SARDH: variants seen among roughly 807,000 people sequenced by gnomAD.
SARDH encodes sarcosine dehydrogenase, mitochondrial.
Under a neutral mutation model 109.1 loss-of-function variants are expected in SARDH, and 95 were observed. That is an observed-to-expected ratio of 0.87 (90% CI 0.74 to 1.03). The LOEUF is 1.03. Ranked by LOEUF, SARDH falls within the 50% of genes least tolerant of loss-of-function variation. The probability of loss-of-function intolerance (pLI) is 0.00; values close to 1 mark genes in which losing one functional copy is unlikely to be tolerated. For missense variants in SARDH, 1,267 were observed against 1,287.8 expected, an observed-to-expected ratio of 0.98 and a Z score of 0.25; for synonymous variants, 572 against 534.8, an observed-to-expected ratio of 1.07 and a Z score of -0.96.
intron 19 of SARDH, among the ~76,000 whole-genome samples, chr9:133,667,311 C>A (rs9409877): frequency 0.23 from 34,191 of 150,668 alleles, 4,130 homozygotes; most frequent in East Asian, 0.39. Context: ...GGATTACAGG[C>A]ACCCACCACC....
In SARDH at chr9:133,693,369, C is replaced by A. The variant is rs1229578011; in HGVS notation, c.1921+889G>T. Among the ~76,000 whole-genome samples, 1 of 152,122 alleles carries A rather than the reference C, an allele frequency of 6.6e-6. No homozygotes were observed. The highest frequency in any genetic ancestry group is 6.5e-5 in the Admixed American group (1 of 15,272). On this transcript the variant is annotated intron_variant, in intron 15 of 20. Transcript: ENST00000439388. This position sits in a 1 kb window ranked among gnomAD's most constrained non-coding sequence, Gnocchi z 5.6. Reference sequence around the variant, plus strand: ...GCCCAAGCTGGGGCTCGACACTGACCGAGTCCCAGTGAGGAAACAACTACA... The same window carrying A: ...GCCCAAGCTGGGGCTCGACACTGACAGAGTCCCAGTGAGGAAACAACTACA...
chr9:133,735,085 A>T (rs1429845998), intron 1 of SARDH, among the ~76,000 whole-genome samples: 1 of 152,166 alleles, frequency 6.6e-6, no homozygotes, highest in East Asian at 1.9e-4. Context: ...ATGCTACAGC[A>T]GTGGCCGCAG....
Position 133,728,799 on chromosome 9 carries a change from T to C in SARDH, c.915+966A>G, listed in dbSNP as rs1485124910. On this transcript the variant is annotated intron_variant, in intron 6 of 20. Coordinates refer to ENST00000439388, the MANE Select transcript of SARDH (RefSeq NM_001134707.2). This position sits in a 1 kb window ranked among gnomAD's most constrained non-coding sequence, Gnocchi z 5.0. The stretch of plus-strand genomic sequence containing the variant: ...AATGGAATGTGAATGGTTGGATTAA[T>C]ATGTGGGTGGATGCTGAAGGAAGGG... Among the ~76,000 whole-genome samples, 4 of 151,494 alleles carry C rather than the reference T, an allele frequency of 2.6e-5. No homozygotes were observed. The highest frequency in any genetic ancestry group is 9.7e-5 in the African/African-American group (4 of 41,142).
rs1018834097 is a variant in SARDH, at chr9:133,693,869, C to T, written c.1921+389G>A. ...CCAAGCTCCAGACTAGAGGGTCACA[C>T]GGGCCTGAGAAGTCAACCCAGCAAG... On this transcript the variant is annotated intron_variant, in intron 15 of 20. Coordinates refer to ENST00000439388, the MANE Select transcript of SARDH (RefSeq NM_001134707.2). The surrounding 1 kb of genome is among the most constrained non-coding windows in gnomAD (Gnocchi z 5.6). Among the ~76,000 whole-genome samples, 21 of 152,206 alleles carry T rather than the reference C, an allele frequency of 1.4e-4. No individual in the cohort carries two copies. The highest frequency in any genetic ancestry group is 3.4e-4 in the African/African-American group (14 of 41,456).
chr9:133,673,475 G>A (rs768394788), intron 17 of SARDH, among the ~76,000 whole-genome samples: 3 of 152,262 alleles, frequency 2.0e-5, no homozygotes, highest in East Asian at 3.8e-4. Flanking sequence ...GGATACGCCT[G>A]TGGGAAGGAG....
chr9:133,708,448 G>C lies in SARDH; in HGVS notation c.1329-20C>G. The C allele has an allele frequency of 1.2e-6, 2 of 1,600,294 alleles. No individual in the cohort carries two copies. Among genetic ancestry groups the C allele is most frequent in the South Asian group, 1.1e-5 (1 of 89,680 alleles). ...AAGCGCCTGCCGCAGACAGGGGGAC[G>C]GGTCACTGCTTTGGGGATGGCCCGT... On this transcript the variant is annotated intron_variant, in intron 10 of 20. Transcript: ENST00000439388.
chr9:133,691,378 C>G (rs1008390374), intron 15 of SARDH, among the ~76,000 whole-genome samples: 1 of 152,142 alleles, frequency 6.6e-6, no homozygotes, highest in Non-Finnish European at 1.5e-5. Context: ...GATCAACTTC[C>G]CTGAAAACAA....
At position 133,712,532 on chromosome 9, in the gene SARDH, G is replaced by T. The variant is rs1265933464; in HGVS notation, c.1328+87C>A. The T allele has an allele frequency of 3.3e-6, 4 of 1,218,740 alleles. No individual in the cohort carries two copies. The South Asian group carries it at 3.8e-5, about 12-fold the overall frequency. The allele number at this position is 1,218,740 out of a possible 1,614,324, so 75.5% of individuals were successfully genotyped here. On this transcript the variant is annotated intron_variant, in intron 10 of 20. Coordinates refer to ENST00000439388, the MANE Select transcript of SARDH (RefSeq NM_001134707.2). This position sits in a 1 kb window ranked among gnomAD's most constrained non-coding sequence, Gnocchi z 4.1. ...GGAAGCCACCTGGATTTCAGGCAAG[G>T]CTCCTTTCTCAGTAGCCCTCGCTGT...
At chr9:133,711,787 G>A (rs186344136) in intron 10 of SARDH, among the ~76,000 whole-genome samples, 90 of 152,258 alleles carry the variant, frequency 5.9e-4, no homozygotes, top group African/African-American at 1.4e-3. Flanking sequence ...GGAGAGACCC[G>A]GAGGCCGGGC....
Position 133,667,994 on chromosome 9 carries a change from T to C in SARDH, c.2496-1124A>G, listed in dbSNP as rs150991109. Reference sequence around the variant, plus strand: ...GAGCCGCGGCGCAGGGCAGCTATTATGCAGCCTGACAGGAAACCCCTGAGC... The same window carrying C: ...GAGCCGCGGCGCAGGGCAGCTATTACGCAGCCTGACAGGAAACCCCTGAGC... On this transcript the variant is annotated intron_variant, in intron 19 of 20. Coordinates refer to ENST00000439388, the MANE Select transcript of SARDH (RefSeq NM_001134707.2). 2.1e-3 allele frequency among the ~76,000 whole-genome samples: 324 copies of C among 152,066 alleles called. 3 individuals carry two copies. Among genetic ancestry groups the C allele is most frequent in the African/African-American group, 4.8e-3 (198 of 41,390 alleles).
chr9:133,734,674 A>T (rs1832822023), intron 1 of SARDH, among the ~76,000 whole-genome samples: 1 of 152,108 alleles, frequency 6.6e-6, no homozygotes, highest in South Asian at 2.1e-4. Flanking sequence ...CCAAAGTGAG[A>T]CCTGAGGAAA....
chr9:133,709,612 T>G lies in SARDH; in HGVS notation c.1329-1184A>C, dbSNP rs562981556. 3.9e-5 allele frequency among the ~76,000 whole-genome samples: 6 copies of G among 152,266 alleles called. No individual in the cohort carries two copies. In the East Asian group the frequency reaches 1.2e-3, roughly 29 times the overall value. Reference sequence around the variant, plus strand: ...TTCTAGCAAGCAGAATTTTCTGATCTGGATGGGTGGGGAGTAGAGGTGCAG... The same window carrying G: ...TTCTAGCAAGCAGAATTTTCTGATCGGGATGGGTGGGGAGTAGAGGTGCAG... On this transcript the variant is annotated intron_variant, in intron 10 of 20. Coordinates refer to ENST00000439388, the MANE Select transcript of SARDH (RefSeq NM_001134707.2). This position sits in a 1 kb window ranked among gnomAD's most constrained non-coding sequence, Gnocchi z 4.2.
At chr9:133,716,690 C>T (rs1018921496) in intron 8 of SARDH, among the ~76,000 whole-genome samples, 1 of 152,236 alleles carries the variant, frequency 6.6e-6, no homozygotes, top group South Asian at 2.1e-4. Context: ...CCTTTTTGCT[C>T]CAGCCTCTTC....
In SARDH at chr9:133,732,699, TGTCTTTCTCTGCAAG is replaced by T. The variant is rs921664189; in HGVS notation, c.332-113_332-99del. The T allele has an allele frequency of 4.5e-6, 6 of 1,341,924 alleles. No homozygotes were observed. The African/African-American group carries it at 8.8e-5, about 20-fold the overall frequency. 83.1% of individuals were successfully genotyped at this position (1,341,924 alleles called of 1,614,324 possible). On this transcript the variant is annotated intron_variant, in intron 2 of 20. Transcript: ENST00000439388. ...GGATACCCTGATATTCAACCATGGG[TGTCTTTCTCTGCAAG>T]GTCTTTCTCTGCAGGACCTGGGGGG... is the stretch of plus-strand genomic sequence containing the variant.
At chr9:133,734,352 T>TTCATTCAC in intron 1 of SARDH, 149 bp from the exon 2 acceptor site, 1 of 495,816 alleles carries the variant, frequency 2.0e-6, no homozygotes, top group African/African-American at 2.0e-5. Flanking sequence ...CACTCATTCA[T>TTCATTCAC]TCATTCATTC....
chr9:133,701,942 C>T (rs1179612309), intron 13 of SARDH, among the ~76,000 whole-genome samples: 4 of 152,218 alleles, frequency 2.6e-5, no homozygotes, highest in East Asian at 1.9e-4. Flanking sequence ...TGAACCCAAG[C>T]GGGGCCCTTC....
At chr9:133,691,730 A>G (rs1312454464) in intron 15 of SARDH, among the ~76,000 whole-genome samples, 1 of 152,210 alleles carries the variant, frequency 6.6e-6, no homozygotes, top group Non-Finnish European at 1.5e-5. Flanking sequence ...ATGGGTAGGT[A>G]GCGCACGTAT....
chr9:133,687,221 G>A (rs1327958820), intron 16 of SARDH, among the ~76,000 whole-genome samples: 1 of 152,210 alleles, frequency 6.6e-6, no homozygotes, highest in African/African-American at 2.4e-5. Context: ...CCAGTTCTGG[G>A]CTGCACGACA....
At chr9:133,689,043 G>A (rs775477041) in intron 16 of SARDH, among the ~76,000 whole-genome samples, 3 of 152,192 alleles carry the variant, frequency 2.0e-5, no homozygotes, top group African/African-American at 7.2e-5. Context: ...GCCAGGGAAA[G>A]CGGACCCCAT....
Sources: allele counts gnomAD v4.1 joint callset (sites outside exome capture counted in the v4.1 genomes callset), GRCh38; gene constraint gnomAD v4.1.1; non-coding constraint Gnocchi (gnomAD v3.1); transcripts MANE v1.5; gene names NCBI Gene and HGNC (gene_info 2026-07-23, HGNC 2026-07-21).